PPP3R1: variants seen among roughly 807,000 people sequenced by gnomAD.
PPP3R1 encodes the protein calcineurin subunit B type 1.
Under a neutral mutation model 22.6 loss-of-function variants are expected in PPP3R1, and 5 were observed. The ratio of observed to expected loss-of-function variants is 0.22; its 90% CI spans 0.12 to 0.46. The LOEUF is 0.46. Ranked by LOEUF, PPP3R1 falls within the 20% of genes least tolerant of loss-of-function variation. The pLI is 0.99. For missense variants in PPP3R1, 61 were observed against 203.2 expected, an observed-to-expected ratio of 0.30 and a Z score of 4.25; for synonymous variants, 56 against 65.2, an observed-to-expected ratio of 0.86 and a Z score of 0.68.
chr2:68,225,473 A>G (rs952379380), intron 1 of PPP3R1, among the ~76,000 whole-genome samples: 15 of 152,210 alleles, frequency 9.9e-5, no homozygotes, highest in Non-Finnish European at 1.9e-4. Context: ...TTCTGCCAAT[A>G]ACGTGAACAG....
At chr2:68,227,684 G>A (rs1471836234) in intron 1 of PPP3R1, among the ~76,000 whole-genome samples, 1 of 151,810 alleles carries the variant, frequency 6.6e-6, no homozygotes, top group Admixed American at 6.6e-5. Flanking sequence ...CACATAATAT[G>A]TTTAACTATT....
intron 1 of PPP3R1, among the ~76,000 whole-genome samples, chr2:68,221,551 T>C (rs1669689476): frequency 6.6e-6 from 1 of 152,140 alleles, no homozygotes; most frequent in African/African-American, 2.4e-5. Flanking sequence ...GACTTTGTTA[T>C]GTGAATTTCA....
intron 1 of PPP3R1, among the ~76,000 whole-genome samples, chr2:68,243,728 C>A (rs1670176237): frequency 2.0e-5 from 3 of 152,216 alleles, no homozygotes; most frequent in African/African-American, 7.2e-5. Flanking sequence ...TCAATTATTT[C>A]TGACTCATTG....
intron 2 of PPP3R1, among the ~76,000 whole-genome samples, chr2:68,209,736 C>T (rs1281643562): frequency 6.6e-6 from 1 of 152,016 alleles, no homozygotes; most frequent in East Asian, 1.9e-4. Flanking sequence ...CCAGCCTGGG[C>T]AACAGAGGCC....
intron 1 of PPP3R1, among the ~76,000 whole-genome samples, chr2:68,218,534 T>C (rs1669621809): frequency 6.6e-6 from 1 of 152,120 alleles, no homozygotes; most frequent in African/African-American, 2.4e-5. Flanking sequence ...CTGCTTACTT[T>C]GCACATTACT....
chr2:68,223,605 C>T (rs140912111), intron 1 of PPP3R1, among the ~76,000 whole-genome samples: 1 of 151,872 alleles, frequency 6.6e-6, no homozygotes, highest in African/African-American at 2.4e-5. Context: ...ACCACATGGC[C>T]AACCAAACAG....
At position 68,179,225 on chromosome 2, in the gene PPP3R1, T is replaced by C. The variant is rs1674352505; in HGVS notation, c.*1738A>G. On this transcript the variant is annotated 3_prime_UTR_variant, in exon 6 of 6. Coordinates refer to ENST00000234310, the MANE Select transcript of PPP3R1 (RefSeq NM_000945.4). ...TTGACACTGGAACAGTTCAAACCAC[T>C]GGCTGGGATTATAAGCCATGCCACT... 1 of 152,664 alleles carries C rather than the reference T, an allele frequency of 6.6e-6. No homozygotes were observed. The highest frequency in any genetic ancestry group is 2.4e-5 in the African/African-American group (1 of 41,466). 9.5% of individuals were successfully genotyped at this position (152,664 alleles called of 1,614,324 possible).
At chr2:68,232,434 CTT>C (rs1360577780) in intron 1 of PPP3R1, among the ~76,000 whole-genome samples, 4 of 147,390 alleles carry the variant, frequency 2.7e-5, no homozygotes, top group Admixed American at 6.8e-5. Context: ...GAGTGAGACT[CTT>C]GTCTCAAAAA....
At chr2:68,213,394 T>G (rs560176894) in intron 2 of PPP3R1, among the ~76,000 whole-genome samples, 51 of 151,822 alleles carry the variant, frequency 3.4e-4, no homozygotes, top group African/African-American at 1.2e-3. Flanking sequence ...AATAGGGAGG[T>G]CTGAGGAAAA....
At chr2:68,240,077 TATTCAACGC>T (rs1459687434) in intron 1 of PPP3R1, among the ~76,000 whole-genome samples, 1 of 152,232 alleles carries the variant, frequency 6.6e-6, no homozygotes, top group East Asian at 1.9e-4. Flanking sequence ...ACATTAGGTG[TATTCAACGC>T]ATTTTCAACT....
intron 5 of PPP3R1, among the ~76,000 whole-genome samples, chr2:68,185,389 A>C (rs1330477668): frequency 6.7e-6 from 1 of 148,286 alleles, no homozygotes; most frequent in Non-Finnish European, 1.5e-5. Flanking sequence ...ATATTTGCTA[A>C]ATGCAAGTAA....
At chr2:68,217,175 A>G (rs781703645) in intron 1 of PPP3R1, 44 bp from the exon 2 acceptor site, 14 of 1,429,164 alleles carry the variant, frequency 9.8e-6, no homozygotes, top group Non-Finnish European at 1.4e-5. Flanking sequence ...ATAGGCACAA[A>G]TTTGTTTAAA....
At chr2:68,205,095 A>C (rs976197683) in intron 2 of PPP3R1, among the ~76,000 whole-genome samples, 6 of 152,132 alleles carry the variant, frequency 3.9e-5, no homozygotes, top group African/African-American at 1.4e-4. Context: ...AACACACACA[A>C]AGTTTGAAAA....
At chr2:68,212,232 C>CA (rs973798188) in intron 2 of PPP3R1, among the ~76,000 whole-genome samples, 11 of 152,268 alleles carry the variant, frequency 7.2e-5, no homozygotes, top group Admixed American at 4.6e-4. Flanking sequence ...AGGCATGTGC[C>CA]AGCATGCCTG....
At chr2:68,221,766 A>C (rs1296192701) in intron 1 of PPP3R1, among the ~76,000 whole-genome samples, 1 of 152,090 alleles carries the variant, frequency 6.6e-6, no homozygotes, top group Non-Finnish European at 1.5e-5. Flanking sequence ...AACTACATAC[A>C]TACAACATAA....
intron 1 of PPP3R1, among the ~76,000 whole-genome samples, chr2:68,232,180 C>T (rs1404445914): frequency 6.7e-5 from 5 of 74,884 alleles, no homozygotes; most frequent in South Asian, 5.8e-4. Context: ...TACATATATA[C>T]GTATATGTAT....
intron 1 of PPP3R1, among the ~76,000 whole-genome samples, chr2:68,219,618 A>T (rs1411868999): frequency 6.6e-6 from 1 of 152,244 alleles, no homozygotes; most frequent in Admixed American, 6.5e-5. Flanking sequence ...TGGAAAAAAT[A>T]GCATTTCTGA....
At chr2:68,186,303 T>C (rs1301285019) in intron 5 of PPP3R1, among the ~76,000 whole-genome samples, 165 bp downstream of exon 5, 1 of 65,740 alleles carries the variant, frequency 1.5e-5, no homozygotes, top group African/African-American at 1.8e-4. Flanking sequence ...GGAATAATAA[T>C]TGTTAATAAT....
At chr2:68,198,899 A>G (rs1674896343) in intron 2 of PPP3R1, among the ~76,000 whole-genome samples, 1 of 152,152 alleles carries the variant, frequency 6.6e-6, no homozygotes, top group South Asian at 2.1e-4. Flanking sequence ...ATCTGGTTAA[A>G]CTTATACCTG....
Sources: gnomAD v4.1 joint callset for allele counts (sites outside exome capture counted in the v4.1 genomes callset) on GRCh38, gnomAD v4.1.1 for gene constraint, MANE v1.5 for transcripts, NCBI Gene and HGNC (gene_info 2026-07-23, HGNC 2026-07-21) for gene names.